Variants in TMEM132C observed in about 807,000 individuals in gnomAD.
The protein encoded by TMEM132C is protein phosphatase 1, regulatory subunit 152.
In TMEM132C, 29 loss-of-function variants were observed where a neutral mutation model predicts 61.4. That is an observed-to-expected ratio of 0.47 (90% CI 0.35 to 0.64). The LOEUF (loss-of-function observed/expected upper bound fraction) is 0.64, where lower values mean the gene tolerates loss of function less well. Ranked by LOEUF, TMEM132C falls within the 30% of genes least tolerant of loss-of-function variation. The pLI is 0.00. For missense variants in TMEM132C, 1,408 were observed against 1,476.9 expected, an observed-to-expected ratio of 0.95 and a Z score of 0.76; for synonymous variants, 656 against 633.1, an observed-to-expected ratio of 1.04 and a Z score of -0.54.
intron 1 of TMEM132C, among the ~76,000 whole-genome samples, chr12:128,365,967 G>A (rs886091037): frequency 3.9e-5 from 6 of 152,182 alleles, no homozygotes; most frequent in African/African-American, 1.4e-4. Context: ...CCAATGTTAG[G>A]TTTGAAAGCC....
rs142377995 is a variant in TMEM132C at position 128,289,848 on chromosome 12, A to G, written c.85+22361A>G. On this transcript the variant is annotated intron_variant, in intron 1 of 8. Transcript: ENST00000435159. ...ATACTAATTGCATTTTCCCCAAAAC[A>G]TCAAGCTAAATACATAACTGATAGC... 2.2e-3 allele frequency among the ~76,000 whole-genome samples: 340 copies of G among 152,350 alleles called. 2 individuals are homozygous for G. The highest frequency in any genetic ancestry group is 0.018 in the East Asian group (95 of 5,190).
At position 128,282,840 on chromosome 12, in the gene TMEM132C, A is replaced by G. The variant is rs115803578; in HGVS notation, c.85+15353A>G. ...ATTTGTCTGATGTTTCTTCCTGATT[A>G]GTGATTCAGATGCTACATTTTGGGC... On this transcript the variant is annotated intron_variant, in intron 1 of 8. Coordinates refer to ENST00000435159, the MANE Select transcript of TMEM132C (RefSeq NM_001136103.3). Among the ~76,000 whole-genome samples the G allele has an allele frequency of 4.3e-3, 656 of 152,280 alleles. 3 individuals carry two copies. The highest frequency in any genetic ancestry group is 0.015 in the African/African-American group (616 of 41,558).
chr12:128,407,092 G>A (rs1341346880), intron 1 of TMEM132C, among the ~76,000 whole-genome samples: 1 of 152,206 alleles, frequency 6.6e-6, no homozygotes, highest in Admixed American at 6.5e-5. Flanking sequence ...ATCTCGAATT[G>A]TATCTCCCGT....
At chr12:128,515,829 C>T (rs1214305185) in intron 2 of TMEM132C, among the ~76,000 whole-genome samples, 2 of 147,482 alleles carry the variant, frequency 1.4e-5, no homozygotes, top group Admixed American at 6.7e-5. Flanking sequence ...AGCGAGACTC[C>T]GTCTCAAAAA....
intron 2 of TMEM132C, among the ~76,000 whole-genome samples, chr12:128,506,956 A>G (rs1357892871): frequency 2.0e-5 from 3 of 152,174 alleles, no homozygotes; most frequent in African/African-American, 7.2e-5. Context: ...AGCATTGTGA[A>G]CTAGTGGTGG....
chr12:128,652,533 C>CA (rs1283106214), intron 4 of TMEM132C, among the ~76,000 whole-genome samples: 1 of 152,230 alleles, frequency 6.6e-6, no homozygotes, highest in African/African-American at 2.4e-5. Flanking sequence ...GCTCGGAACA[C>CA]AGAGTTCTCG....
Position 128,506,407 on chromosome 12 carries a change from C to T in TMEM132C, c.975-37550C>T, listed in dbSNP as rs79126207. 1.4e-3 allele frequency among the ~76,000 whole-genome samples: 220 copies of T among 152,282 alleles called. 1 individual carries two copies. The highest frequency in any genetic ancestry group is 5.0e-3 in the African/African-American group (208 of 41,556). ...ATGTTTGGGTTTTCCTTGCAGAGTT[C>T]TAGACCAAAGATGTGGAGGAGTAGA... is the stretch of plus-strand genomic sequence containing the variant. On this transcript the variant is annotated intron_variant, in intron 2 of 8. Transcript: ENST00000435159.
At chr12:128,343,435 A>C (rs1025499210) in intron 1 of TMEM132C, among the ~76,000 whole-genome samples, 1 of 151,944 alleles carries the variant, frequency 6.6e-6, no homozygotes, top group African/African-American at 2.4e-5. Context: ...AAAAAAAAAA[A>C]AAAGGAGCTG....
chr12:128,319,357 G>A (rs910619310), intron 1 of TMEM132C, among the ~76,000 whole-genome samples: 2 of 148,994 alleles, frequency 1.3e-5, no homozygotes, highest in African/African-American at 4.9e-5. Flanking sequence ...GCAGTCCCGA[G>A]AGAGAGAGAG....
intron 4 of TMEM132C, among the ~76,000 whole-genome samples, chr12:128,666,292 TACAC>T (rs1387991153): frequency 8.8e-6 from 1 of 113,536 alleles, no homozygotes; most frequent in African/African-American, 3.6e-5. Flanking sequence ...GGCACACACA[TACAC>T]ACAGGCACAT....
intron 1 of TMEM132C, among the ~76,000 whole-genome samples, chr12:128,409,510 A>C (rs1422775484): frequency 6.6e-6 from 1 of 152,154 alleles, no homozygotes; most frequent in African/African-American, 2.4e-5. Context: ...AGAAATCCCA[A>C]ATGTTTCCAG....
intron 2 of TMEM132C, among the ~76,000 whole-genome samples, chr12:128,461,272 C>G (rs1458603800): frequency 6.6e-6 from 1 of 152,142 alleles, no homozygotes; most frequent in Non-Finnish European, 1.5e-5. Context: ...GGACATAGAA[C>G]TGTGCACTGC....
intron 4 of TMEM132C, among the ~76,000 whole-genome samples, chr12:128,666,142 C>T (rs1228417514): frequency 1.3e-5 from 2 of 150,956 alleles, no homozygotes; most frequent in South Asian, 2.1e-4. Flanking sequence ...GGCACACACA[C>T]ATTCACAGGC....
intron 1 of TMEM132C, among the ~76,000 whole-genome samples, chr12:128,303,985 A>C (rs1871678207): frequency 6.6e-6 from 1 of 152,132 alleles, no homozygotes; most frequent in South Asian, 2.1e-4. Context: ...GACCCAACTA[A>C]CCTGGTAGTT....
rs1250959883 is a variant in TMEM132C, at chr12:128,616,155, C to T, written c.1125C>T (p.Ser375=). 2 of 1,551,180 alleles carry T rather than the reference C, an allele frequency of 1.3e-6. No homozygotes were observed. The highest frequency in any genetic ancestry group is 2.0e-5 in the Admixed American group (1 of 50,916). Residue 375 remains serine (S), a synonymous_variant, in exon 4 of 9, where the codon AGC becomes AGT. Transcript: ENST00000435159. ...CAGTTTCTTTTCTCTCTTCCAGGAG[C>T]AGCAGTTTATTCAATGAGGTTGTGC... ...QRLGPSPRNR[S]SSLFNEVVQM...
chr12:128,448,966 T>C (rs1180301061), intron 2 of TMEM132C, among the ~76,000 whole-genome samples: 1 of 151,470 alleles, frequency 6.6e-6, no homozygotes, highest in Non-Finnish European at 1.5e-5. Flanking sequence ...CGAAACCCTG[T>C]CTCTACTAAA....
At chr12:128,473,499 T>C (rs113555814) in intron 2 of TMEM132C, among the ~76,000 whole-genome samples, 970 of 66,204 alleles carry the variant, frequency 0.015, no homozygotes, top group South Asian at 0.063. Context: ...TCTTCATCCT[T>C]ACTCCAGCCT....
chr12:128,336,280 G>A (rs1399202087), intron 1 of TMEM132C, among the ~76,000 whole-genome samples: 2 of 152,132 alleles, frequency 1.3e-5, no homozygotes, highest in Admixed American at 1.3e-4. Flanking sequence ...ATTTAAATAT[G>A]TGCGTATATA....
chr12:128,478,860 C>A (rs1871238782), intron 2 of TMEM132C, among the ~76,000 whole-genome samples: 1 of 152,188 alleles, frequency 6.6e-6, no homozygotes, highest in Non-Finnish European at 1.5e-5. Context: ...TGGTTGGGGG[C>A]CAGTATGTTA....
Sources: gnomAD v4.1 joint callset for allele counts (sites outside exome capture counted in the v4.1 genomes callset) on GRCh38, gnomAD v4.1.1 for gene constraint, MANE v1.5 for transcripts, NCBI Gene and HGNC (gene_info 2026-07-23, HGNC 2026-07-21) for gene names.